Variants in CEP112 observed in about 807,000 individuals in gnomAD.
The protein encoded by CEP112 is centrosomal protein of 112 kDa.
CEP112 carries 127 observed loss-of-function variants against 153.0 expected under a neutral mutation model. The ratio of observed to expected loss-of-function variants is 0.83; its 90% CI spans 0.72 to 0.96. The LOEUF is 0.96. Ranked by LOEUF, CEP112 falls within the 40% of genes least tolerant of loss-of-function variation. The probability of loss-of-function intolerance (pLI) is 0.00; values close to 1 mark genes in which losing one functional copy is unlikely to be tolerated. For synonymous variants in CEP112, 358 were observed against 374.4 expected, an observed-to-expected ratio of 0.96 and a Z score of 0.51; for missense variants, 1,089 against 1,101.2, an observed-to-expected ratio of 0.99 and a Z score of 0.16.
intron 20 of CEP112, among the ~76,000 whole-genome samples, chr17:65,856,442 A>G (rs1317703328): frequency 1.3e-5 from 2 of 152,236 alleles, no homozygotes; most frequent in South Asian, 2.1e-4. Context: ...GTATCATCTC[A>G]AAGTATTAAG....
chr17:66,082,703 CA>C (rs991817432), intron 8 of CEP112, among the ~76,000 whole-genome samples: 9 of 150,740 alleles, frequency 6.0e-5, no homozygotes, highest in Non-Finnish European at 1.2e-4. Context: ...ACAGAGGTTG[CA>C]GTAAGCCAAG....
intron 24 of CEP112, among the ~76,000 whole-genome samples, chr17:65,661,187 T>C (rs1024039927): frequency 6.6e-6 from 1 of 152,166 alleles, no homozygotes; most frequent in African/African-American, 2.4e-5. Flanking sequence ...GCGCCCTTCC[T>C]TCCTCTGAAC....
chr17:65,783,696 A>G (rs1319871301), intron 21 of CEP112, among the ~76,000 whole-genome samples: 5 of 152,224 alleles, frequency 3.3e-5, no homozygotes, highest in Admixed American at 2.0e-4. Flanking sequence ...TTTGAAAGCA[A>G]TAAGTATGAT....
At chr17:65,656,118 G>C (rs1473161324) in intron 24 of CEP112, among the ~76,000 whole-genome samples, 2 of 152,150 alleles carry the variant, frequency 1.3e-5, no homozygotes, top group Non-Finnish European at 2.9e-5. Flanking sequence ...GCATTATCTG[G>C]AGCCATAACT....
chr17:66,137,979 A>G (rs2070513053), intron 4 of CEP112, among the ~76,000 whole-genome samples: 1 of 152,210 alleles, frequency 6.6e-6, no homozygotes, highest in African/African-American at 2.4e-5. Context: ...TGAAAAGATG[A>G]AAGTCTTAAA....
chr17:65,936,887 C>T (rs2061329701), intron 18 of CEP112, among the ~76,000 whole-genome samples: 1 of 149,462 alleles, frequency 6.7e-6, no homozygotes, highest in Admixed American at 6.7e-5. Flanking sequence ...ACTGTACTGC[C>T]ACCGTCTCGG....
At chr17:65,980,560 C>A (rs184311506) in intron 17 of CEP112, among the ~76,000 whole-genome samples, 206 of 152,238 alleles carry the variant, frequency 1.4e-3, no homozygotes, top group African/African-American at 4.8e-3. Flanking sequence ...TTGGAAAATT[C>A]TCTCTCCTCC....
chr17:65,815,325 T>C lies in CEP112; in HGVS notation c.2394+36479A>G, dbSNP rs182824434. Among the ~76,000 whole-genome samples, 957 of 152,258 alleles carry C rather than the reference T, an allele frequency of 6.3e-3. 3 individuals carry two copies. The highest frequency in any genetic ancestry group is 0.011 in the Non-Finnish European group (723 of 67,964). On this transcript the variant is annotated intron_variant, in intron 21 of 26. Coordinates refer to ENST00000535342, the MANE Select transcript of CEP112 (RefSeq NM_001199165.4). ...TTAGCACATTTTTGTCAAAAATTGA[T>C]TGATTATAAATGTGTAGGTATATTT...
chr17:66,021,825 A>G (rs760731203), intron 16 of CEP112, among the ~76,000 whole-genome samples: 1 of 151,522 alleles, frequency 6.6e-6, no homozygotes, highest in Non-Finnish European at 1.5e-5. Context: ...GACCCAGTCC[A>G]CTGAATATTC....
chr17:65,961,624 A>G, intron 17 of CEP112, 26 bp from the exon 18 acceptor site: 5 of 1,579,212 alleles, frequency 3.2e-6, no homozygotes, highest in Non-Finnish European at 4.3e-6. Flanking sequence ...GAAGCTTCAG[A>G]GTTAAAATAT....
chr17:65,841,068 A>G (rs920527176), intron 21 of CEP112, among the ~76,000 whole-genome samples: 2 of 152,130 alleles, frequency 1.3e-5, no homozygotes, highest in African/African-American at 4.8e-5. Context: ...AAATTAGTAT[A>G]GTCACTATAG....
At chr17:65,996,774 A>G (rs2063807246) in intron 17 of CEP112, among the ~76,000 whole-genome samples, 1 of 152,266 alleles carries the variant, frequency 6.6e-6, no homozygotes, top group African/African-American at 2.4e-5. Context: ...AGGAATCAAA[A>G]TAAGTATGCT....
At chr17:66,020,556 A>G (rs1161648104) in intron 16 of CEP112, among the ~76,000 whole-genome samples, 4 of 152,190 alleles carry the variant, frequency 2.6e-5, no homozygotes, top group African/African-American at 4.8e-5. Flanking sequence ...AGATGGTGGT[A>G]TTACAAAGTG....
At chr17:65,679,706 C>T (rs2047419031) in intron 24 of CEP112, among the ~76,000 whole-genome samples, 2 of 152,128 alleles carry the variant, frequency 1.3e-5, no homozygotes, top group Non-Finnish European at 2.9e-5. Context: ...TTGTTGGTTA[C>T]CCTTGATGAT....
At position 66,176,908 on chromosome 17, in the gene CEP112, C is replaced by T. The variant is rs774679380; in HGVS notation, c.219G>A (p.Met73Ile). 6.2e-7 allele frequency: 1 copy of T among 1,613,902 alleles called. No individual in the cohort carries two copies. The highest frequency in any genetic ancestry group is 1.1e-5 in the South Asian group (1 of 91,064). ...RNLYAKLLLH[M>I]LKRGALEGPF... ...GGCCTTCAAGCGCACCTCGTTTAAG[C>T]ATATGCAATAACAATTTTGCATACA... The change falls in exon 3 of 27, where the codon ATG becomes ATA. Residue 73 changes from methionine (M) to isoleucine (I), a missense_variant. By Grantham distance (10) the Met-to-Ile change is conservative. Coordinates refer to ENST00000535342, the MANE Select transcript of CEP112 (RefSeq NM_001199165.4).
At chr17:65,693,653 C>T (rs190838440) in intron 23 of CEP112, among the ~76,000 whole-genome samples, 396 of 152,178 alleles carry the variant, frequency 2.6e-3, no homozygotes, top group Non-Finnish European at 4.1e-3. Context: ...AAGTCAGAAG[C>T]GGTGGGGCAG....
intron 18 of CEP112, among the ~76,000 whole-genome samples, chr17:65,957,186 A>T (rs1353227966): frequency 6.6e-6 from 1 of 152,238 alleles, no homozygotes; most frequent in African/African-American, 2.4e-5. Context: ...ATAAGGTGGG[A>T]CTACTGTACT....
At chr17:66,164,875 T>TAC (rs1568565778) in intron 4 of CEP112, among the ~76,000 whole-genome samples, 5 of 134,302 alleles carry the variant, frequency 3.7e-5, no homozygotes, top group African/African-American at 1.1e-4. Flanking sequence ...TATATATATA[T>TAC]ACACACATAT....
At chr17:65,641,266 T>C (rs527413635) in intron 24 of CEP112, among the ~76,000 whole-genome samples, 16 of 152,186 alleles carry the variant, frequency 1.1e-4, no homozygotes, top group Non-Finnish European at 2.2e-4. Flanking sequence ...CTGAGAGAGA[T>C]GGTCCCTGTA....
Sources: allele counts gnomAD v4.1 joint callset (sites outside exome capture counted in the v4.1 genomes callset), GRCh38; gene constraint gnomAD v4.1.1; transcripts MANE v1.5; gene names NCBI Gene and HGNC (gene_info 2026-07-23, HGNC 2026-07-21).